Variants in DLGAP2 observed in about 807,000 individuals in gnomAD.
DLGAP2 encodes disks large-associated protein 2.
Under a neutral mutation model 100.3 loss-of-function variants are expected in DLGAP2, and 26 were observed. The ratio of observed to expected loss-of-function variants is 0.26; its 90% CI spans 0.19 to 0.36. The LOEUF (loss-of-function observed/expected upper bound fraction) is 0.36, where lower values mean the gene tolerates loss of function less well. Ranked by LOEUF, DLGAP2 falls within the 10% of genes least tolerant of loss-of-function variation. The pLI, the probability that DLGAP2 is intolerant of heterozygous loss-of-function variation, is 1.00. For synonymous variants in DLGAP2, 886 were observed against 630.1 expected (o/e 1.41, Z -6.08); for missense variants, 1,858 against 1,453.2 (o/e 1.28, Z -4.53).
At chr8:1,161,794 AG>A (rs1374842423) in intron 2 of DLGAP2, among the ~76,000 whole-genome samples, 1 of 151,880 alleles carries the variant, frequency 6.6e-6, no homozygotes, top group Non-Finnish European at 1.5e-5. Context: ...GGGCTCCTGG[AG>A]GCCTGCTGGG....
chr8:913,620 T>G (rs1798533662), intron 2 of DLGAP2, among the ~76,000 whole-genome samples: 1 of 152,224 alleles, frequency 6.6e-6, no homozygotes, highest in South Asian at 2.1e-4. Context: ...GTTTATAAGG[T>G]GCTTTCACAT....
intron 3 of DLGAP2, among the ~76,000 whole-genome samples, chr8:1,491,607 G>A (rs1040973278): frequency 2.0e-5 from 3 of 152,222 alleles, no homozygotes; most frequent in Non-Finnish European, 2.9e-5. Flanking sequence ...AGATGGTAGT[G>A]CAGGGGACCT....
intron 7 of DLGAP2, among the ~76,000 whole-genome samples, chr8:1,631,054 A>G (rs113098253): frequency 1.8e-3 from 215 of 118,240 alleles, no homozygotes; most frequent in East Asian, 0.016. Context: ...CGGGTGCCCC[A>G]AGGGTCTGGG....
intron 2 of DLGAP2, among the ~76,000 whole-genome samples, chr8:1,182,927 G>A (rs573088242): frequency 2.0e-5 from 3 of 152,276 alleles, no homozygotes; most frequent in East Asian, 1.9e-4. Flanking sequence ...ACAGCCCTGC[G>A]GTGGCATGGG....
chr8:1,502,808 T>C (rs1047419903), intron 4 of DLGAP2, among the ~76,000 whole-genome samples: 11 of 152,184 alleles, frequency 7.2e-5, no homozygotes, highest in African/African-American at 2.4e-4. Context: ...GTTAATGTCA[T>C]AGTTGTGTCT....
intron 7 of DLGAP2, among the ~76,000 whole-genome samples, chr8:1,627,420 G>A (rs1359162547): frequency 6.6e-6 from 1 of 152,194 alleles, no homozygotes; most frequent in Non-Finnish European, 1.5e-5. Context: ...ATTAAAATCA[G>A]GTGCCTGAGA....
chr8:1,237,549 A>G (rs1363395038), intron 2 of DLGAP2, among the ~76,000 whole-genome samples: 18 of 129,130 alleles, frequency 1.4e-4, no homozygotes, highest in East Asian at 2.5e-4. Context: ...GTTCTCTCAC[A>G]TGGCGCCGTG....
intron 2 of DLGAP2, among the ~76,000 whole-genome samples, chr8:1,089,368 C>T (rs534582556): frequency 6.0e-4 from 92 of 152,354 alleles, no homozygotes; most frequent in African/African-American, 2.2e-3. Context: ...ACCAGCCAGC[C>T]GTTTGTCCCC....
chr8:1,348,670 G>C (rs1801628933), intron 3 of DLGAP2, among the ~76,000 whole-genome samples: 1 of 152,194 alleles, frequency 6.6e-6, no homozygotes, highest in Non-Finnish European at 1.5e-5. Flanking sequence ...TGGCTGTGTG[G>C]AGGTTGAGTG....
At chr8:1,467,191 G>A (rs995509895) in intron 3 of DLGAP2, among the ~76,000 whole-genome samples, 10 of 152,154 alleles carry the variant, frequency 6.6e-5, no homozygotes, top group Middle Eastern at 3.4e-3. Context: ...GGGCCCAGGA[G>A]GTCTCTCATC....
intron 3 of DLGAP2, among the ~76,000 whole-genome samples, chr8:1,332,439 G>T (rs116449950): frequency 0.022 from 3,409 of 152,170 alleles, 136 homozygotes; most frequent in African/African-American, 0.078. Context: ...ATATATGTCT[G>T]TGTACACATG....
intron 2 of DLGAP2, among the ~76,000 whole-genome samples, chr8:1,114,709 AT>A (rs1407970335): frequency 6.7e-6 from 1 of 149,060 alleles, no homozygotes; most frequent in Non-Finnish European, 1.5e-5. Context: ...TTCAGCTCTG[AT>A]TTTGGTTATT....
chr8:1,537,430 T>A (rs1448547650), intron 4 of DLGAP2, among the ~76,000 whole-genome samples: 2 of 152,134 alleles, frequency 1.3e-5, no homozygotes, highest in Non-Finnish European at 2.9e-5. Context: ...AAATGATATC[T>A]GCCAAACCCT....
At chr8:886,791 C>G (rs116470293) in intron 1 of DLGAP2, among the ~76,000 whole-genome samples, 2 of 152,226 alleles carry the variant, frequency 1.3e-5, no homozygotes, top group South Asian at 4.1e-4. Context: ...CTTCCAATTA[C>G]GTGGCTGATT....
At chr8:1,088,790 TC>T (rs1398382640) in intron 2 of DLGAP2, among the ~76,000 whole-genome samples, 2 of 69,872 alleles carry the variant, frequency 2.9e-5, no homozygotes, top group Non-Finnish European at 5.4e-5. Flanking sequence ...CAATTCTCAC[TC>T]CCCCCACCCC....
At chr8:1,420,648 T>A (rs1465290347) in intron 3 of DLGAP2, among the ~76,000 whole-genome samples, 9 of 152,196 alleles carry the variant, frequency 5.9e-5, no homozygotes, top group Non-Finnish European at 1.3e-4. Flanking sequence ...GGACCCAATT[T>A]GTGCCTCCGA....
intron 7 of DLGAP2, 62 bp downstream of exon 7, chr8:1,626,949 G>A (rs1052109632): frequency 4.6e-6 from 7 of 1,528,856 alleles, no homozygotes; most frequent in Non-Finnish European, 6.2e-6. Flanking sequence ...TGGCACGGAG[G>A]CCCCGGCCGC....
chr8:1,681,532 C>A (rs1233547514), intron 12 of DLGAP2, among the ~76,000 whole-genome samples: 1 of 151,968 alleles, frequency 6.6e-6, no homozygotes, highest in East Asian at 1.9e-4. Context: ...GTGGCACATG[C>A]CTGTAGTCTC....
chr8:1,129,764 G>T (rs1043044810), intron 2 of DLGAP2, among the ~76,000 whole-genome samples: 1 of 152,184 alleles, frequency 6.6e-6, no homozygotes, highest in Non-Finnish European at 1.5e-5. Context: ...TTTTACGATA[G>T]GAAAGAATCA....
Sources: allele counts gnomAD v4.1 joint callset (sites outside exome capture counted in the v4.1 genomes callset), GRCh38; gene constraint gnomAD v4.1.1; transcripts MANE v1.5; gene names NCBI Gene and HGNC (gene_info 2026-07-23, HGNC 2026-07-21).